Variants in CCDC47 observed in about 807,000 individuals in gnomAD.
CCDC47 encodes coiled-coil domain containing 47, also known as PAT complex subunit CCDC47.
CCDC47 carries 41 observed loss-of-function variants against 60.5 expected under a neutral mutation model. The observed-to-expected ratio is 0.68, with a 90% confidence interval of 0.53 to 0.88. The LOEUF (loss-of-function observed/expected upper bound fraction) is 0.88. Among genes scored for constraint, CCDC47 ranks in the 40% least tolerant of loss-of-function variants. CCDC47 has a pLI of 0.00. For missense variants in CCDC47, 513 were observed against 580.9 expected (o/e 0.88, Z 1.20); for synonymous variants, 195 against 190.7 (o/e 1.02, Z -0.18).
chr17:63,765,120 CCA>C (rs56697502), intron 2 of CCDC47: 4,682 of 149,928 alleles, frequency 0.031, 81 homozygotes, highest in Non-Finnish European at 0.042. Flanking sequence ...AGTATTCTCA[CCA>C]CACACACACA....
chr17:63,765,684 T>A, intron 2 of CCDC47: 1 of 1,345,514 alleles, frequency 7.4e-7, no homozygotes. Context: ...ACAAACAGTA[T>A]CTATTCTCTA....
intron 6 of CCDC47, among the ~76,000 whole-genome samples, chr17:63,759,539 A>T (rs1430787774): frequency 8.5e-5 from 4 of 46,918 alleles, no homozygotes; most frequent in East Asian, 1.5e-3. Flanking sequence ...ATATATATAT[A>T]TATATATATA....
At chr17:63,767,377 A>G (rs1247631944) in intron 1 of CCDC47, among the ~76,000 whole-genome samples, 3 of 152,226 alleles carry the variant, frequency 2.0e-5, no homozygotes, top group African/African-American at 7.2e-5. Context: ...ATTAACAAAT[A>G]TAATGATATC....
intron 12 of CCDC47, among the ~76,000 whole-genome samples, chr17:63,750,808 C>T (rs1191342823): frequency 5.9e-5 from 9 of 151,858 alleles, no homozygotes; most frequent in Admixed American, 3.9e-4. Context: ...AGGCTGGTCT[C>T]GAACTCCTGA....
At chr17:63,753,846 G>A (rs1017830251) in intron 9 of CCDC47, among the ~76,000 whole-genome samples, 5 of 152,128 alleles carry the variant, frequency 3.3e-5, no homozygotes, top group Admixed American at 6.5e-5. Context: ...GGTGGCTCAC[G>A]CTTATAATTC....
rs1034784361 is a variant in CCDC47 at position 63,753,324 on chromosome 17, C to T, written c.1035-525G>A. 115 of 435,316 alleles carry T rather than the reference C, an allele frequency of 2.6e-4. 1 individual carries two copies. The highest frequency in any genetic ancestry group is 2.1e-3 in the African/African-American group (99 of 46,636). 27.0% of individuals were successfully genotyped at this position (435,316 alleles called of 1,614,324 possible). On this transcript the variant is annotated intron_variant, in intron 9 of 12. Transcript: ENST00000225726. ...ATATGAATCCTTTGACTATCAATTG[C>T]CCTCCATCTCATATTTAAAAGGCAT...
intron 12 of CCDC47, chr17:63,747,781 C>T (rs1390343675): frequency 1.0e-6 from 1 of 985,236 alleles, no homozygotes; most frequent in African/African-American, 1.7e-5. Flanking sequence ...TATAGTTCTT[C>T]ATAGTGCAAC....
At position 63,745,539 on chromosome 17, in the gene CCDC47, T is replaced by C. The variant is rs2039114829; in HGVS notation, c.*1342A>G. On this transcript the variant is annotated 3_prime_UTR_variant, in exon 13 of 13. Coordinates refer to ENST00000225726, the MANE Select transcript of CCDC47 (RefSeq NM_020198.3). ...TTACATTTGCATCTCTCAGTTTACA[T>C]ATTTCTGTATTAACTTGGAGAAAAA... 1 of 152,244 alleles carries C rather than the reference T, an allele frequency of 6.6e-6. No individual in the cohort carries two copies. The highest frequency in any genetic ancestry group is 1.5e-5 in the Non-Finnish European group (1 of 68,040). 9.4% of individuals were successfully genotyped at this position (152,244 alleles called of 1,614,324 possible).
chr17:63,759,304 C>A (rs1816244373), intron 6 of CCDC47, among the ~76,000 whole-genome samples: 1 of 150,172 alleles, frequency 6.7e-6, no homozygotes, highest in African/African-American at 2.4e-5. Context: ...GCCTGACCAA[C>A]ATGGTGAAAC....
intron 12 of CCDC47, among the ~76,000 whole-genome samples, chr17:63,751,365 CAAAAAAAAAAAAAAAAAAAAAAA>C (rs59161342): frequency 1.0e-3 from 30 of 29,498 alleles, no homozygotes; most frequent in South Asian, 7.4e-3. Flanking sequence ...GACTCCATCT[CAAAAAAAAAAAAAAAAAAAAAAA>C]AAAAAAAAAA....
intron 1 of CCDC47, among the ~76,000 whole-genome samples, chr17:63,768,022 G>A (rs987927099): frequency 5.3e-5 from 8 of 152,020 alleles, no homozygotes; most frequent in South Asian, 2.1e-4. Flanking sequence ...AAATGGTATC[G>A]TCTTAATGCT....
chr17:63,747,235 G>A (rs1233278544), intron 12 of CCDC47: 9 of 983,984 alleles, frequency 9.1e-6, no homozygotes, highest in Non-Finnish European at 1.1e-5. Flanking sequence ...ACCAGCCTTT[G>A]TTATTCTGGT....
At chr17:63,752,536 T>G in intron 10 of CCDC47, 107 bp from the exon 11 acceptor site, 1 of 808,198 alleles carries the variant, frequency 1.2e-6, no homozygotes, top group Non-Finnish European at 1.9e-6. Context: ...TTCTCTAAGT[T>G]TGTTAGGCAG....
At chr17:63,759,508 A>AAAAAAAAAAAAAAAAAAAT (rs2039234521) in intron 6 of CCDC47, among the ~76,000 whole-genome samples, 1 of 19,648 alleles carries the variant, frequency 5.1e-5, no homozygotes, top group Non-Finnish European at 7.2e-5. Context: ...AAAAAAAAAA[A>AAAAAAAAAAAAAAAAAAAT]ATATATATAT....
At chr17:63,754,343 G>A in intron 9 of CCDC47, 90 bp downstream of exon 9, 1 of 767,414 alleles carries the variant, frequency 1.3e-6, no homozygotes, top group African/African-American at 1.8e-5. Context: ...CACACATTTG[G>A]TAAGGGATAT....
At position 63,765,968 on chromosome 17, in the gene CCDC47, C is replaced by T. The variant is rs767924115; in HGVS notation, c.208G>A (p.Glu70Lys). ...TGGTTTTCATCCTGCCCTTCCAACT[C>T]CACAGTGGTCTCATCTTCATCATCT... Reference protein sequence around the residue: ...TEDDEDETTVELEGQDENQEG... With the variant: ...TEDDEDETTVKLEGQDENQEG... Residue 70 changes from glutamate (E) to lysine (K), a missense_variant, in exon 2 of 13, where the codon GAG (glutamate) becomes AAG (lysine). Coordinates refer to ENST00000225726, the MANE Select transcript of CCDC47 (RefSeq NM_020198.3). The T allele has an allele frequency of 3.7e-6, 6 of 1,614,124 alleles. 1 individual carries two copies. Among genetic ancestry groups the T allele is most frequent in the African/African-American group, 1.3e-5 (1 of 75,048 alleles).
chr17:63,769,795 G>C (rs977989137), intron 1 of CCDC47, among the ~76,000 whole-genome samples: 4 of 152,078 alleles, frequency 2.6e-5, no homozygotes, highest in African/African-American at 9.7e-5. Context: ...AATGTTTTAA[G>C]AAAGTTTACG....
Position 63,749,450 on chromosome 17 carries a change from A to C in CCDC47, c.1372-2489T>G, listed in dbSNP as rs1283990285. ...GATACCATTTCCCCACTACCAGAAT[A>C]AGGAAAAAAAAAAAAAAAAAAGACC... On this transcript the variant is annotated intron_variant, in intron 12 of 12. Coordinates refer to ENST00000225726, the MANE Select transcript of CCDC47 (RefSeq NM_020198.3). Among the ~76,000 whole-genome samples the C allele has an allele frequency of 3.0e-4, 38 of 128,120 alleles. No homozygotes were observed. In the Middle Eastern group the frequency reaches 0.013, roughly 43 times the overall value. The allele number at this position is 128,120 out of a possible 152,430, so 84.1% of individuals were successfully genotyped here.
chr17:63,752,933 C>T, intron 9 of CCDC47, 134 bp from the exon 10 acceptor site: 1 of 1,362,934 alleles, frequency 7.3e-7, no homozygotes, highest in Non-Finnish European at 9.5e-7. Flanking sequence ...ATACCCAAGT[C>T]AAATATAATG....
Sources: gnomAD v4.1 joint callset for allele counts (sites outside exome capture counted in the v4.1 genomes callset) on GRCh38, gnomAD v4.1.1 for gene constraint, MANE v1.5 for transcripts, NCBI Gene and HGNC (gene_info 2026-07-23, HGNC 2026-07-21) for gene names.